TIPRL: variants seen among roughly 807,000 people sequenced by gnomAD.
TIPRL encodes the protein TOR signaling pathway regulator.
A neutral mutation model predicts 32.3 loss-of-function variants in TIPRL; 10 were observed. That is an observed-to-expected ratio of 0.31 (90% CI 0.19 to 0.52). The LOEUF is 0.52. Ranked by LOEUF, TIPRL falls within the 20% of genes least tolerant of loss-of-function variation. The pLI is 0.96. For missense variants in TIPRL, 250 were observed against 328.1 expected, an observed-to-expected ratio of 0.76 and a Z score of 1.84; for synonymous variants, 100 against 114.0, an observed-to-expected ratio of 0.88 and a Z score of 0.78.
intron 5 of TIPRL, 51 bp downstream of exon 5, chr1:168,196,693 GTTGT>G (rs766462644): frequency 6.5e-5 from 85 of 1,298,868 alleles, no homozygotes; most frequent in South Asian, 2.5e-4. Flanking sequence ...GCTTGTTTGT[GTTGT>G]TTAATTGTCA....
At chr1:168,185,769 CAAAA>C (rs749833672) in intron 3 of TIPRL, among the ~76,000 whole-genome samples, 31 of 77,970 alleles carry the variant, frequency 4.0e-4, no homozygotes, top group African/African-American at 1.5e-3. Context: ...GACTCTGTCT[CAAAA>C]AAAAAAAAAA....
intron 4 of TIPRL, among the ~76,000 whole-genome samples, chr1:168,195,674 G>A (rs1467887709): frequency 6.6e-6 from 1 of 152,160 alleles, no homozygotes; most frequent in African/African-American, 2.4e-5. Flanking sequence ...CCAGGCCCAA[G>A]CCATCCTCCC....
In TIPRL at chr1:168,184,751, T is replaced by C. The variant is rs745724055; in HGVS notation, c.285-28T>C. 8 of 1,421,698 alleles carry C rather than the reference T, an allele frequency of 5.6e-6. 1 individual carries two copies. The South Asian group carries it at 9.5e-5, about 17-fold the overall frequency. The allele number at this position is 1,421,698 out of a possible 1,614,324, so 88.1% of individuals were successfully genotyped here. A position where few individuals can be genotyped will look rare whatever the true frequency, so the allele number is the denominator to read the frequency against. On this transcript the variant is annotated intron_variant, in intron 2 of 6. Transcript: ENST00000367833. ...ATAATCTCTATTCTGCATCACTGAA[T>C]CTGATCCTTCTCATTTTGGTATTTG...
intron 4 of TIPRL, among the ~76,000 whole-genome samples, chr1:168,194,997 C>T (rs1700137168): frequency 6.6e-6 from 1 of 152,180 alleles, no homozygotes; most frequent in African/African-American, 2.4e-5. Context: ...AAAGGCCCCT[C>T]TGTGGAAGTG....
chr1:168,197,389 C>A (rs1261547321), intron 5 of TIPRL, among the ~76,000 whole-genome samples: 1 of 151,986 alleles, frequency 6.6e-6, no homozygotes, highest in Non-Finnish European at 1.5e-5. Flanking sequence ...TTTCTAAACC[C>A]TTCACTTAGG....
chr1:168,197,154 A>C (rs1214815472), intron 5 of TIPRL, among the ~76,000 whole-genome samples: 48 of 152,168 alleles, frequency 3.2e-4, no homozygotes. Flanking sequence ...TCTCTACTAA[A>C]AATACAAAAA....
chr1:168,184,130 C>CA (rs1558162402), intron 2 of TIPRL, 49 bp downstream of exon 2: 1 of 1,529,170 alleles, frequency 6.5e-7, no homozygotes, highest in Non-Finnish European at 8.9e-7. Flanking sequence ...TTAGGTTAAA[C>CA]AAAAGAGAAA....
intron 4 of TIPRL, 82 bp downstream of exon 4, chr1:168,191,582 C>T: frequency 1.6e-6 from 2 of 1,229,400 alleles, no homozygotes; most frequent in East Asian, 3.2e-5. Context: ...TTGAATAACA[C>T]TGAGCCTGGC....
In TIPRL at chr1:168,200,225, C is replaced by A. The variant is rs1572438723; in HGVS notation, c.*179C>A. The A allele has an allele frequency of 5.3e-6, 3 of 567,416 alleles. No individual in the cohort carries two copies. The East Asian group carries it at 9.3e-5, about 18-fold the overall frequency. 35.1% of individuals were successfully genotyped at this position (567,416 alleles called of 1,614,324 possible). ...TTCACTCAACTGCTGTTTGTACTGT[C>A]TGTCTTCACATTCATATTCCAGATT... On this transcript the variant is annotated 3_prime_UTR_variant, in exon 7 of 7. Transcript: ENST00000367833.
chr1:168,181,184 T>TTTCTG (rs1358474977), intron 1 of TIPRL, among the ~76,000 whole-genome samples: 3 of 151,586 alleles, frequency 2.0e-5, no homozygotes, highest in Non-Finnish European at 4.4e-5. Context: ...TATTTTTAAT[T>TTTCTG]TTCTTTTCTT....
chr1:168,183,874 A>G (rs1357203836), intron 1 of TIPRL, 28 bp from the exon 2 acceptor site: 1 of 1,592,100 alleles, frequency 6.3e-7, no homozygotes, highest in East Asian at 2.2e-5. Flanking sequence ...ATATAAAATT[A>G]TCTCACCCGA....
chr1:168,192,362 A>T (rs1700109793), intron 4 of TIPRL: 4 of 1,002,658 alleles, frequency 4.0e-6, no homozygotes, highest in Non-Finnish European at 4.9e-6. Context: ...TCAAAAAAAA[A>T]AAATAAAATA....
At chr1:168,193,937 T>C (rs1004219879) in intron 4 of TIPRL, among the ~76,000 whole-genome samples, 6 of 152,224 alleles carry the variant, frequency 3.9e-5, no homozygotes, top group Non-Finnish European at 8.8e-5. Context: ...CAGGTACTTA[T>C]ATTTGCATAT....
intron 4 of TIPRL, 62 bp from the exon 5 acceptor site, chr1:168,196,485 G>A (rs961253625): frequency 1.6e-6 from 2 of 1,212,574 alleles, no homozygotes; most frequent in South Asian, 1.8e-5. Flanking sequence ...TTTTCTTTCA[G>A]CAAAGTAATA....
At chr1:168,191,863 A>AG (rs1404256258) in intron 4 of TIPRL, among the ~76,000 whole-genome samples, 1 of 150,018 alleles carries the variant, frequency 6.7e-6, no homozygotes, top group East Asian at 2.0e-4. Flanking sequence ...CAGAGCAAAA[A>AG]AAAAAAAAAA....
At chr1:168,184,165 G>A (rs1700000772) in intron 2 of TIPRL, 84 bp downstream of exon 2, 35 of 1,204,868 alleles carry the variant, frequency 2.9e-5, no homozygotes, top group Non-Finnish European at 4.0e-5. Context: ...ATTCAGTAAT[G>A]ATACGTGTGT....
chr1:168,179,680 C>T (rs990203138), intron 1 of TIPRL, among the ~76,000 whole-genome samples: 1 of 152,120 alleles, frequency 6.6e-6, no homozygotes, highest in African/African-American at 2.4e-5. Flanking sequence ...AAGATGTATA[C>T]ACGGAGTGAT....
rs1700192288 is a variant in TIPRL at position 168,199,995 on chromosome 1, A to G, written c.768A>G (p.Glu256=). ...EAVCEKLIFP[E]RIDPNPADSQ... ...TTTGTGAGAAGCTAATATTTCCAGA[A>G]AGAATTGATCCTAACCCAGCAGACT... Residue 256 remains glutamate, a synonymous_variant, in exon 7 of 7, where the codon GAA becomes GAG. Coordinates refer to ENST00000367833, the MANE Select transcript of TIPRL (RefSeq NM_152902.5). The G allele has an allele frequency of 1.9e-6, 3 of 1,613,618 alleles. No homozygotes were observed. The highest frequency in any genetic ancestry group is 2.5e-6 in the Non-Finnish European group (3 of 1,179,770).
At position 168,185,461 on chromosome 1, in the gene TIPRL, G is replaced by T. The variant is rs1700014275; in HGVS notation, c.384+583G>T. On this transcript the variant is annotated intron_variant, in intron 3 of 6. Coordinates refer to ENST00000367833, the MANE Select transcript of TIPRL (RefSeq NM_152902.5). ...GCTCTATATTAGTATTAAGTCCTGT[G>T]TGTGTAAGCCCTGCTTGAGAAGAGA... is the stretch of plus-strand genomic sequence containing the variant. Among the ~76,000 whole-genome samples, 5 of 152,262 alleles carry T rather than the reference G, an allele frequency of 3.3e-5. No homozygotes were observed. The South Asian group carries it at 1.0e-3, about 32-fold the overall frequency.
Sources: allele counts gnomAD v4.1 joint callset (sites outside exome capture counted in the v4.1 genomes callset), GRCh38; gene constraint gnomAD v4.1.1; transcripts MANE v1.5; gene names NCBI Gene and HGNC (gene_info 2026-07-23, HGNC 2026-07-21).